PRKD1: variants seen among roughly 807,000 people sequenced by gnomAD.
PRKD1 encodes protein kinase D1, also known as serine/threonine-protein kinase D1.
A neutral mutation model predicts 95.9 loss-of-function variants in PRKD1; 63 were observed. The observed-to-expected ratio is 0.66, with a 90% confidence interval of 0.54 to 0.81. The LOEUF is 0.81. PRKD1 is among the 30% of genes least tolerant of loss of function. The probability of loss-of-function intolerance (pLI) is 0.00; values close to 1 mark genes in which losing one functional copy is unlikely to be tolerated. For synonymous variants in PRKD1, 425 were observed against 423.1 expected, an observed-to-expected ratio of 1.00 and a Z score of -0.05; for missense variants, 1,048 against 1,165.3, an observed-to-expected ratio of 0.90 and a Z score of 1.47.
intron 1 of PRKD1, among the ~76,000 whole-genome samples, chr14:29,772,171 A>T (rs1253938384): frequency 6.6e-6 from 1 of 152,198 alleles, no homozygotes; most frequent in East Asian, 1.9e-4. Flanking sequence ...GCACGTGAGA[A>T]GAATATTAAT....
At chr14:29,827,095 G>A (rs1240897526) in intron 1 of PRKD1, among the ~76,000 whole-genome samples, 6 of 151,156 alleles carry the variant, frequency 4.0e-5, no homozygotes, top group Admixed American at 1.3e-4. Flanking sequence ...GGAAAGGAGT[G>A]AGGGATAAAA....
At chr14:29,752,049 TAAATA>T (rs895867686) in intron 1 of PRKD1, among the ~76,000 whole-genome samples, 1 of 152,190 alleles carries the variant, frequency 6.6e-6, no homozygotes, top group African/African-American at 2.4e-5. Context: ...CTTCTTAACA[TAAATA>T]AAATTATCAA....
At chr14:29,655,246 C>T (rs1881765254) in intron 4 of PRKD1, among the ~76,000 whole-genome samples, 1 of 152,168 alleles carries the variant, frequency 6.6e-6, no homozygotes, top group Admixed American at 6.5e-5. Flanking sequence ...ATTACACTCA[C>T]CTAGCTTTCA....
At chr14:29,782,459 C>T (rs527380188) in intron 1 of PRKD1, among the ~76,000 whole-genome samples, 14 of 152,162 alleles carry the variant, frequency 9.2e-5, no homozygotes, top group South Asian at 2.1e-4. Context: ...AAACTTTGAA[C>T]GATTCTTTCT....
chr14:29,767,306 C>T (rs879756193), intron 1 of PRKD1, among the ~76,000 whole-genome samples: 1 of 152,226 alleles, frequency 6.6e-6, no homozygotes, highest in South Asian at 2.1e-4. Flanking sequence ...AATATGTATC[C>T]AGCTTGAAAA....
At chr14:29,611,405 C>A (rs900396838) in intron 13 of PRKD1, among the ~76,000 whole-genome samples, 10 of 151,868 alleles carry the variant, frequency 6.6e-5, no homozygotes, top group Non-Finnish European at 2.9e-5. Flanking sequence ...TGGGCTCATA[C>A]ACTGGGGAAT....
chr14:29,840,216 C>G (rs759039195), intron 1 of PRKD1, among the ~76,000 whole-genome samples: 13 of 152,112 alleles, frequency 8.5e-5, no homozygotes, highest in Non-Finnish European at 1.6e-4. Context: ...GCCAGATACC[C>G]TAAATCATCT....
chr14:29,712,218 T>A (rs1885365137), intron 2 of PRKD1, among the ~76,000 whole-genome samples: 1 of 152,114 alleles, frequency 6.6e-6, no homozygotes, highest in South Asian at 2.1e-4. Flanking sequence ...CACCACAAGA[T>A]TAGTATGTGG....
intron 1 of PRKD1, among the ~76,000 whole-genome samples, chr14:29,795,306 T>C (rs1050967095): frequency 6.6e-6 from 1 of 151,960 alleles, no homozygotes; most frequent in Admixed American, 6.6e-5. Flanking sequence ...TATACACCTA[T>C]TTAATTACAT....
At chr14:29,875,931 C>T (rs910719513) in intron 1 of PRKD1, among the ~76,000 whole-genome samples, 3 of 152,184 alleles carry the variant, frequency 2.0e-5, no homozygotes, top group Non-Finnish European at 2.9e-5. Flanking sequence ...CTCTCTTTGA[C>T]AGCAACAGAA....
At chr14:29,635,844 A>C (rs1880329544) in intron 7 of PRKD1, among the ~76,000 whole-genome samples, 1 of 152,152 alleles carries the variant, frequency 6.6e-6, no homozygotes, top group African/African-American at 2.4e-5. Flanking sequence ...ACAGATATAA[A>C]ATTGCACATA....
chr14:29,914,751 C>G (rs1350989262), intron 1 of PRKD1, among the ~76,000 whole-genome samples: 3 of 151,670 alleles, frequency 2.0e-5, no homozygotes, highest in African/African-American at 7.3e-5. Flanking sequence ...ATAAGAAAAG[C>G]AAACACTGAA....
intron 4 of PRKD1, among the ~76,000 whole-genome samples, chr14:29,648,973 C>T (rs1881320032): frequency 1.3e-5 from 2 of 152,156 alleles, no homozygotes; most frequent in Non-Finnish European, 2.9e-5. Flanking sequence ...CTTTTATCTG[C>T]ACCCTGAAGC....
At chr14:29,742,722 A>G (rs1887033918) in intron 1 of PRKD1, among the ~76,000 whole-genome samples, 2 of 152,216 alleles carry the variant, frequency 1.3e-5, no homozygotes, top group Admixed American at 6.5e-5. Context: ...GCATAAAATA[A>G]TCGCTTTCAT....
intron 12 of PRKD1, among the ~76,000 whole-genome samples, chr14:29,625,294 C>G (rs1879544514): frequency 1.3e-5 from 2 of 152,202 alleles, no homozygotes. Context: ...TGACTTCTTT[C>G]ATCTCTACTC....
chr14:29,805,713 T>G (rs191481761), intron 1 of PRKD1, among the ~76,000 whole-genome samples: 1 of 152,294 alleles, frequency 6.6e-6, no homozygotes, highest in East Asian at 1.9e-4. Context: ...ACAGTGCTAG[T>G]GAGCTGATGG....
chr14:29,719,972 A>G (rs45558534), intron 2 of PRKD1, among the ~76,000 whole-genome samples: 134 of 152,338 alleles, frequency 8.8e-4, no homozygotes, highest in Admixed American at 2.0e-3. Context: ...ATTAGCATGC[A>G]CCAAAGTTCT....
intron 1 of PRKD1, among the ~76,000 whole-genome samples, chr14:29,871,058 C>A (rs150717777): frequency 3.2e-4 from 49 of 152,304 alleles, no homozygotes; most frequent in African/African-American, 1.1e-3. Flanking sequence ...AGTGCTCTTG[C>A]CACATGAATC....
At chr14:29,651,203 A>G (rs1360157848) in intron 4 of PRKD1, among the ~76,000 whole-genome samples, 1 of 152,246 alleles carries the variant, frequency 6.6e-6, no homozygotes, top group African/African-American at 2.4e-5. Flanking sequence ...TCCTCTATCT[A>G]TCCCACACCC....
Sources: allele counts gnomAD v4.1 joint callset (sites outside exome capture counted in the v4.1 genomes callset), GRCh38; gene constraint gnomAD v4.1.1; transcripts MANE v1.5; gene names NCBI Gene and HGNC (gene_info 2026-07-23, HGNC 2026-07-21).